The following UPB1 variants were observed in gnomAD, a reference collection of about 807,000 sequenced individuals.
The protein encoded by UPB1 is beta-ureidopropionase 1, also known as beta-ureidopropionase.
Under a neutral mutation model 49.1 loss-of-function variants are expected in UPB1, and 40 were observed. That is an observed-to-expected ratio of 0.81 (90% CI 0.63 to 1.06). The LOEUF (loss-of-function observed/expected upper bound fraction) is 1.06. Ranked by LOEUF, UPB1 falls within the 50% of genes least tolerant of loss-of-function variation. UPB1 has a pLI of 0.00. For missense variants in UPB1, 499 were observed against 505.9 expected, an observed-to-expected ratio of 0.99 and a Z score of 0.13; for synonymous variants, 207 against 198.2, an observed-to-expected ratio of 1.04 and a Z score of -0.38.
intron 3 of UPB1, among the ~76,000 whole-genome samples, chr22:24,506,021 ATTTT>A (rs71189255): frequency 1.2e-5 from 1 of 85,630 alleles, no homozygotes. Flanking sequence ...CCCTAACTGC[ATTTT>A]TTTTTTTTTT....
chr22:24,506,770 T>C (rs767693415), intron 3 of UPB1, among the ~76,000 whole-genome samples: 4 of 152,240 alleles, frequency 2.6e-5, no homozygotes, highest in Non-Finnish European at 4.4e-5. Context: ...GAATAATCCC[T>C]AGTGCATGAC....
intron 3 of UPB1, among the ~76,000 whole-genome samples, chr22:24,507,182 C>T (rs185043057): frequency 6.6e-6 from 1 of 152,344 alleles, no homozygotes; most frequent in East Asian, 1.9e-4. Flanking sequence ...GCACTTGACT[C>T]ACTCCTAATG....
chr22:24,500,321 T>C (rs2043971327), intron 2 of UPB1, 43 bp downstream of exon 2: 1 of 1,611,422 alleles, frequency 6.2e-7, no homozygotes, highest in African/African-American at 1.3e-5. Flanking sequence ...AACAGGGTTG[T>C]GGCCTGCCCT....
chr22:24,525,831 C>G lies in UPB1; in HGVS notation c.*37C>G. 1 of 1,611,388 alleles carries G rather than the reference C, an allele frequency of 6.2e-7. No individual in the cohort carries two copies. Among genetic ancestry groups the G allele is most frequent in the Non-Finnish European group, 8.5e-7 (1 of 1,177,558 alleles). ...GCCTGCCTTGGGGTGAGGAAGACACCTCTGCCCCAGTGGATTAGCAAGTGT... is the reference window on the plus strand; with the variant it reads ...GCCTGCCTTGGGGTGAGGAAGACACGTCTGCCCCAGTGGATTAGCAAGTGT... On this transcript the variant is annotated 3_prime_UTR_variant, in exon 10 of 10. Coordinates refer to ENST00000326010, the MANE Select transcript of UPB1 (RefSeq NM_016327.3).
At chr22:24,521,179 C>CAA (rs34276962) in intron 7 of UPB1, among the ~76,000 whole-genome samples, 937 of 62,570 alleles carry the variant, frequency 0.015, 47 homozygotes, top group African/African-American at 0.049. Context: ...GAGACTCTGT[C>CAA]AAAAAAAAAA....
At chr22:24,502,574 C>G (rs752980633) in intron 3 of UPB1, 8 of 768,480 alleles carry the variant, frequency 1.0e-5, no homozygotes, top group South Asian at 5.4e-5. Flanking sequence ...CAGAGCCAGC[C>G]CCCCCATCTA....
intron 1 of UPB1, among the ~76,000 whole-genome samples, chr22:24,498,095 T>C (rs2043924677): frequency 6.6e-6 from 1 of 152,222 alleles, no homozygotes; most frequent in South Asian, 2.1e-4. Context: ...ATCTGGTGTC[T>C]GTTGAGGGCC....
intron 2 of UPB1, 103 bp downstream of exon 2, chr22:24,500,381 C>T (rs1162213978): frequency 9.2e-6 from 14 of 1,520,246 alleles, no homozygotes; most frequent in African/African-American, 1.4e-5. Flanking sequence ...GGTCTGCAGG[C>T]TTGGGCGCCT....
intron 3 of UPB1, among the ~76,000 whole-genome samples, chr22:24,506,789 C>A (rs1335242767): frequency 6.6e-6 from 1 of 152,186 alleles, no homozygotes; most frequent in Non-Finnish European, 1.5e-5. Flanking sequence ...ACAGGCACTA[C>A]AAATTAGTAT....
In UPB1 at chr22:24,526,107, G is replaced by A; in HGVS notation, c.*313G>A. 2.6e-6 allele frequency: 1 copy of A among 387,930 alleles called. No individual in the cohort carries two copies. Among genetic ancestry groups the A allele is most frequent in the South Asian group, 2.1e-5 (1 of 46,924 alleles). 24.0% of individuals were successfully genotyped at this position (387,930 alleles called of 1,614,324 possible). On this transcript the variant is annotated 3_prime_UTR_variant, in exon 10 of 10. Coordinates refer to ENST00000326010, the MANE Select transcript of UPB1 (RefSeq NM_016327.3). Reference sequence around the variant, plus strand: ...AAAAAAAAATGCCCAGGTACTGCTTGTGCAGGTGGATTTGAGGTTAGGCAG... The same window carrying A: ...AAAAAAAAATGCCCAGGTACTGCTTATGCAGGTGGATTTGAGGTTAGGCAG...
intron 3 of UPB1, among the ~76,000 whole-genome samples, chr22:24,504,042 C>T (rs753506847): frequency 1.1e-4 from 16 of 152,214 alleles, no homozygotes; most frequent in Non-Finnish European, 1.8e-4. Context: ...ACAAGTTTCA[C>T]GTATGAGGGA....
At chr22:24,508,473 C>T (rs954463223) in intron 3 of UPB1, among the ~76,000 whole-genome samples, 3 of 151,934 alleles carry the variant, frequency 2.0e-5, no homozygotes, top group Admixed American at 6.6e-5. Flanking sequence ...GCAGGAGAAT[C>T]GCTTGAACCC....
chr22:24,525,659 T>C (rs1184826946), intron 9 of UPB1, 52 bp from the exon 10 acceptor site: 1 of 1,608,568 alleles, frequency 6.2e-7, no homozygotes, highest in Admixed American at 1.7e-5. Context: ...GTGTAAGTGA[T>C]GGGGATTTAT....
chr22:24,513,802 A>G (rs1369538919), intron 5 of UPB1, among the ~76,000 whole-genome samples: 1 of 152,186 alleles, frequency 6.6e-6, no homozygotes, highest in Admixed American at 6.5e-5. Context: ...AATTAAAACC[A>G]AAACTAAATA....
In UPB1 at chr22:24,526,816, G is replaced by C. The variant is rs1217726910; in HGVS notation, c.*1022G>C. 1 of 152,150 alleles carries C rather than the reference G, an allele frequency of 6.6e-6. No individual in the cohort carries two copies. The highest frequency in any genetic ancestry group is 1.5e-5 in the Non-Finnish European group (1 of 68,040). 9.4% of individuals were successfully genotyped at this position (152,150 alleles called of 1,614,324 possible). A position where few individuals can be genotyped will look rare whatever the true frequency, so the allele number is the denominator to read the frequency against. Reference sequence around the variant, plus strand: ...GGTGCAGCAATAGTTATTTATGTGCGAGACTAGCCATCAGCCATCAGTTTG... The same window carrying C: ...GGTGCAGCAATAGTTATTTATGTGCCAGACTAGCCATCAGCCATCAGTTTG... On this transcript the variant is annotated 3_prime_UTR_variant, in exon 10 of 10. Transcript: ENST00000326010.
In UPB1 at chr22:24,523,649, C is replaced by G; in HGVS notation, c.947C>G (p.Ser316Trp). The change falls in exon 9 of 10, where the codon TCG becomes TGG. Residue 316 changes from serine (S) to tryptophan (W), a missense_variant. Ser to Trp is a radical substitution (Grantham distance 177). Coordinates refer to ENST00000326010, the MANE Select transcript of UPB1 (RefSeq NM_016327.3). ...CAGGACTTTGGCTACTTTTATGGCT[C>G]GAGCTATGTGGCAGCCCCTGACAGC... Reference protein sequence around the residue: ...AHQDFGYFYGSSYVAAPDSSR... With the variant: ...AHQDFGYFYGWSYVAAPDSSR... 1 of 1,614,256 alleles carries G rather than the reference C, an allele frequency of 6.2e-7. No individual in the cohort carries two copies. The highest frequency in any genetic ancestry group is 8.5e-7 in the Non-Finnish European group (1 of 1,180,044).
At chr22:24,512,118 T>C (rs2044217103) in intron 4 of UPB1, among the ~76,000 whole-genome samples, 1 of 151,674 alleles carries the variant, frequency 6.6e-6, no homozygotes, top group Non-Finnish European at 1.5e-5. Context: ...CAAACATCGA[T>C]GTTCTCAGGC....
chr22:24,525,256 C>T (rs1362863039), intron 9 of UPB1, among the ~76,000 whole-genome samples: 1 of 152,082 alleles, frequency 6.6e-6, no homozygotes, highest in Non-Finnish European at 1.5e-5. Flanking sequence ...TGTGGGTGGG[C>T]TTTCCAACTC....
chr22:24,513,260 T>G (rs916243254), intron 4 of UPB1, 64 bp from the exon 5 acceptor site: 6 of 1,612,248 alleles, frequency 3.7e-6, no homozygotes, highest in Admixed American at 3.3e-5. Context: ...ATCATTCTTC[T>G]TTGATAAAAA....
Sources: gnomAD v4.1 joint callset for allele counts (sites outside exome capture counted in the v4.1 genomes callset) on GRCh38, gnomAD v4.1.1 for gene constraint, MANE v1.5 for transcripts, NCBI Gene and HGNC (gene_info 2026-07-23, HGNC 2026-07-21) for gene names.